The following PRORP variants were observed in gnomAD, a reference collection of about 807,000 sequenced individuals.
PRORP encodes protein only RNase P catalytic subunit, also known as mitochondrial ribonuclease P catalytic subunit.
A neutral mutation model predicts 59.4 loss-of-function variants in PRORP; 51 were observed. That is an observed-to-expected ratio of 0.86 (90% CI 0.69 to 1.08). The LOEUF (loss-of-function observed/expected upper bound fraction) is 1.08, where lower values mean the gene tolerates loss of function less well. PRORP is among the 50% of genes least tolerant of loss of function. The pLI, the probability that PRORP is intolerant of heterozygous loss-of-function variation, is 0.00. For synonymous variants in PRORP, 231 were observed against 245.6 expected, an observed-to-expected ratio of 0.94 and a Z score of 0.55; for missense variants, 646 against 690.3, an observed-to-expected ratio of 0.94 and a Z score of 0.72.
chr14:35,207,957 CT>C (rs928782563), intron 5 of PRORP, among the ~76,000 whole-genome samples: 3 of 152,158 alleles, frequency 2.0e-5, no homozygotes, highest in African/African-American at 7.2e-5. Context: ...CAAGACCAGC[CT>C]GGCCAATATG....
chr14:35,125,209 CA>C (rs746045351), intron 2 of PRORP, among the ~76,000 whole-genome samples: 5 of 152,014 alleles, frequency 3.3e-5, no homozygotes, highest in Admixed American at 6.6e-5. Context: ...TTAGAGTGGA[CA>C]GGGGGATATT....
At chr14:35,134,635 C>T (rs1290394781) in intron 4 of PRORP, among the ~76,000 whole-genome samples, 1 of 152,032 alleles carries the variant, frequency 6.6e-6, no homozygotes, top group African/African-American at 2.4e-5. Flanking sequence ...GGTACCCCAT[C>T]CTGCTGTAGC....
intron 5 of PRORP, among the ~76,000 whole-genome samples, chr14:35,228,587 A>G (rs1019829970): frequency 3.3e-5 from 5 of 152,218 alleles, no homozygotes; most frequent in African/African-American, 1.2e-4. Context: ...GTTAATTTGC[A>G]TAGGATAATC....
chr14:35,188,305 C>A (rs538735040), intron 5 of PRORP, among the ~76,000 whole-genome samples: 36 of 151,440 alleles, frequency 2.4e-4, no homozygotes, highest in African/African-American at 8.0e-4. Context: ...ATTCTCCTGC[C>A]TTAGCCTCCT....
At chr14:35,196,370 T>A (rs2049009283) in intron 5 of PRORP, among the ~76,000 whole-genome samples, 2 of 152,128 alleles carry the variant, frequency 1.3e-5, no homozygotes, top group South Asian at 2.1e-4. Flanking sequence ...AGCACACACC[T>A]GTAGTCCCAC....
intron 4 of PRORP, among the ~76,000 whole-genome samples, chr14:35,169,766 C>T (rs950572207): frequency 2.0e-5 from 3 of 152,194 alleles, no homozygotes; most frequent in African/African-American, 7.2e-5. Context: ...CAATGGCCTA[C>T]TTGTGGTCTG....
chr14:35,170,797 T>C (rs2048295389), intron 4 of PRORP, among the ~76,000 whole-genome samples: 2 of 152,178 alleles, frequency 1.3e-5, no homozygotes, highest in South Asian at 4.1e-4. Flanking sequence ...TGATATTATT[T>C]CCCTTCAGCC....
intron 4 of PRORP, among the ~76,000 whole-genome samples, chr14:35,161,854 C>A (rs1371503801): frequency 6.6e-6 from 1 of 152,040 alleles, no homozygotes; most frequent in Non-Finnish European, 1.5e-5. Flanking sequence ...TCTTTTCTAT[C>A]TGGAATTTAC....
intron 4 of PRORP, among the ~76,000 whole-genome samples, chr14:35,152,348 C>G (rs1183061976): frequency 6.6e-6 from 1 of 152,336 alleles, no homozygotes; most frequent in Non-Finnish European, 1.5e-5. Context: ...ACAGACACAG[C>G]AACAATCTGA....
intron 5 of PRORP, among the ~76,000 whole-genome samples, chr14:35,191,530 C>G (rs917054129): frequency 6.6e-6 from 1 of 151,974 alleles, no homozygotes; most frequent in Non-Finnish European, 1.5e-5. Flanking sequence ...AGCGAGACCC[C>G]ATCTCTACAG....
intron 4 of PRORP, among the ~76,000 whole-genome samples, chr14:35,169,089 CT>C (rs997649091): frequency 3.4e-4 from 25 of 73,234 alleles, no homozygotes; most frequent in African/African-American, 8.5e-4. Context: ...ACCTTTCTTT[CT>C]TTTTTTTTTA....
chr14:35,131,302 G>A (rs1180673730), intron 4 of PRORP, among the ~76,000 whole-genome samples: 1 of 152,144 alleles, frequency 6.6e-6, no homozygotes, highest in Non-Finnish European at 1.5e-5. Flanking sequence ...GTCTGGTGTT[G>A]ATGTAATCTC....
intron 7 of PRORP, among the ~76,000 whole-genome samples, chr14:35,272,335 G>A (rs1169724355): frequency 6.6e-6 from 1 of 152,154 alleles, no homozygotes; most frequent in African/African-American, 2.4e-5. Flanking sequence ...AAGAAAGGCT[G>A]GGTGCAGTGG....
At chr14:35,214,534 G>A (rs1161353773) in intron 5 of PRORP, among the ~76,000 whole-genome samples, 2 of 152,164 alleles carry the variant, frequency 1.3e-5, no homozygotes, top group Non-Finnish European at 2.9e-5. Context: ...GACTTCTTAA[G>A]CAGCAGGGCA....
intron 4 of PRORP, among the ~76,000 whole-genome samples, chr14:35,133,727 G>T (rs1180522136): frequency 2.6e-5 from 4 of 152,214 alleles, no homozygotes; most frequent in Non-Finnish European, 5.9e-5. Flanking sequence ...CAGTAATGCT[G>T]TGGTAAGAGG....
chr14:35,176,800 G>C (rs1355207613), intron 4 of PRORP, among the ~76,000 whole-genome samples: 2 of 152,158 alleles, frequency 1.3e-5, no homozygotes, highest in Non-Finnish European at 2.9e-5. Flanking sequence ...TGGTGAGAGA[G>C]GGCATCCCTG....
chr14:35,192,981 GAAA>G (rs57452893), intron 5 of PRORP, among the ~76,000 whole-genome samples: 1 of 139,960 alleles, frequency 7.1e-6, no homozygotes. Flanking sequence ...TGACAGAGTA[GAAA>G]AAAAAAAAAA....
At chr14:35,151,313 G>C (rs1480750393) in intron 4 of PRORP, among the ~76,000 whole-genome samples, 1 of 151,840 alleles carries the variant, frequency 6.6e-6, no homozygotes, top group Non-Finnish European at 1.5e-5. Context: ...TACTAGATTA[G>C]AAACAGTAAT....
In PRORP at chr14:35,273,459, G is replaced by A; in HGVS notation, c.1645G>A (p.Val549Met). Reference sequence around the variant, plus strand: ...GCGTATTCTCAGCTATGACACAGTGGTGCAAACAACTGGAGACTCGTGGCA... The same window carrying A: ...GCGTATTCTCAGCTATGACACAGTGATGCAAACAACTGGAGACTCGTGGCA... ...FQRILSYDTVVQTTGDSWHIP... is the reference protein window; with the variant it reads ...FQRILSYDTVMQTTGDSWHIP... Residue 549 changes from valine to methionine, a missense_variant, in exon 8 of 8, where the codon GTG (valine) becomes ATG (methionine). Val to Met is a conservative substitution (Grantham distance 21, BLOSUM62 1). Coordinates refer to ENST00000534898, the MANE Select transcript of PRORP (RefSeq NM_014672.4). 1 of 1,612,248 alleles carries A rather than the reference G, an allele frequency of 6.2e-7. No homozygotes were observed. Among genetic ancestry groups the A allele is most frequent in the Non-Finnish European group, 8.5e-7 (1 of 1,179,106 alleles).
Sources: gnomAD v4.1 joint callset for allele counts (sites outside exome capture counted in the v4.1 genomes callset) on GRCh38, gnomAD v4.1.1 for gene constraint, MANE v1.5 for transcripts, NCBI Gene and HGNC (gene_info 2026-07-23, HGNC 2026-07-21) for gene names.